GPC5: variants seen among roughly 807,000 people sequenced by gnomAD.
The protein encoded by GPC5 is glypican 5.
Under a neutral mutation model 53.9 loss-of-function variants are expected in GPC5, and 47 were observed. That is an observed-to-expected ratio of 0.87 (90% confidence interval 0.69 to 1.11). The LOEUF (loss-of-function observed/expected upper bound fraction) is 1.11. Among genes scored for constraint, GPC5 ranks in the 50% most tolerant of loss-of-function variants. The pLI is 0.00. For synonymous variants in GPC5, 286 were observed against 263.3 expected, an observed-to-expected ratio of 1.09 and a Z score of -0.84; for missense variants, 748 against 713.1, an observed-to-expected ratio of 1.05 and a Z score of -0.56.
intron 2 of GPC5, among the ~76,000 whole-genome samples, chr13:91,493,856 G>A (rs1179467115): frequency 6.6e-6 from 1 of 151,638 alleles, no homozygotes; most frequent in Non-Finnish European, 1.5e-5. Flanking sequence ...CCTCTTGCCT[G>A]TATCTGTTAT....
At chr13:92,312,801 T>G (rs552012195) in intron 7 of GPC5, among the ~76,000 whole-genome samples, 1 of 152,322 alleles carries the variant, frequency 6.6e-6, no homozygotes, top group South Asian at 2.1e-4. Context: ...TCTCTTGAAT[T>G]ACATTTTTGA....
rs553436476 is a variant in GPC5 at position 92,029,151 on chromosome 13, C to T, written c.1402-115679C>T. Among the ~76,000 whole-genome samples the T allele has an allele frequency of 2.5e-3, 387 of 152,170 alleles. 3 individuals carry two copies. The highest frequency in any genetic ancestry group is 9.1e-3 in the African/African-American group (376 of 41,510). ...CAGTATCACCGTTTAGAAATCATTACACAGGTAGTGGGGTAAAGTGGATAA... is the reference window on the plus strand; with the variant it reads ...CAGTATCACCGTTTAGAAATCATTATACAGGTAGTGGGGTAAAGTGGATAA... On this transcript the variant is annotated intron_variant, in intron 6 of 7. Coordinates refer to ENST00000377067, the MANE Select transcript of GPC5 (RefSeq NM_004466.6).
intron 7 of GPC5, among the ~76,000 whole-genome samples, chr13:92,577,819 G>C (rs914425810): frequency 1.3e-5 from 2 of 152,116 alleles, no homozygotes; most frequent in African/African-American, 4.8e-5. Context: ...CTATGCAAGA[G>C]ATTGGTCTGG....
intron 1 of GPC5, among the ~76,000 whole-genome samples, chr13:91,446,331 T>TC (rs1252221818): frequency 3.9e-5 from 6 of 152,166 alleles, no homozygotes; most frequent in African/African-American, 1.4e-4. Flanking sequence ...TTCAGAAACA[T>TC]CCCCACAATT....
At chr13:92,413,802 G>T (rs543530797) in intron 7 of GPC5, among the ~76,000 whole-genome samples, 1 of 152,298 alleles carries the variant, frequency 6.6e-6, no homozygotes, top group African/African-American at 2.4e-5. Flanking sequence ...GCAAAAGCAG[G>T]ATGAGAAGAG....
intron 7 of GPC5, among the ~76,000 whole-genome samples, chr13:92,717,365 T>C (rs1888367260): frequency 6.6e-6 from 1 of 152,156 alleles, no homozygotes. Context: ...GCCAGACATA[T>C]ACCATGAATA....
chr13:92,582,937 A>G (rs1370739024), intron 7 of GPC5, among the ~76,000 whole-genome samples: 9 of 152,128 alleles, frequency 5.9e-5, no homozygotes, highest in Admixed American at 3.9e-4. Flanking sequence ...TCTGCAAGCA[A>G]TGATGATTTA....
At chr13:91,553,437 A>G (rs575121218) in intron 2 of GPC5, among the ~76,000 whole-genome samples, 2 of 152,174 alleles carry the variant, frequency 1.3e-5, no homozygotes, top group South Asian at 2.1e-4. Context: ...AGCTCAATAA[A>G]TGCCTGTAGA....
rs1224351324 is a variant in GPC5, at chr13:92,867,207, C to T, written c.*768C>T. The T allele has an allele frequency of 6.6e-6, 1 of 152,066 alleles. No homozygotes were observed. Among genetic ancestry groups the T allele is most frequent in the Non-Finnish European group, 1.5e-5 (1 of 67,974 alleles). The allele number at this position is 152,066 out of a possible 1,614,324, so 9.4% of individuals were successfully genotyped here. A position where few individuals can be genotyped will look rare whatever the true frequency, so the allele number is the denominator to read the frequency against. On this transcript the variant is annotated 3_prime_UTR_variant, in exon 8 of 8. Transcript: ENST00000377067. Reference sequence around the variant, plus strand: ...CACATGCTTGCTCTAGGAATATCTCCAATAAAGCTGTTAACTATTTGGTGG... The same window carrying T: ...CACATGCTTGCTCTAGGAATATCTCTAATAAAGCTGTTAACTATTTGGTGG...
rs11838917 is a variant in GPC5, at chr13:92,328,242, T to C, written c.1561+183253T>C. Among the ~76,000 whole-genome samples, 1,469 of 152,246 alleles carry C rather than the reference T, an allele frequency of 9.6e-3. 17 individuals are homozygous for C. Among genetic ancestry groups the C allele is most frequent in the African/African-American group, 0.033 (1,368 of 41,534 alleles). ...GTGGAGGGAGTAAGTGAAAATCTTA[T>C]GTAGTGATTTTCTTGGGTAGGCAAA... On this transcript the variant is annotated intron_variant, in intron 7 of 7. Transcript: ENST00000377067.
At chr13:92,192,914 T>C (rs1044292979) in intron 7 of GPC5, among the ~76,000 whole-genome samples, 1 of 152,198 alleles carries the variant, frequency 6.6e-6, no homozygotes, top group Non-Finnish European at 1.5e-5. Flanking sequence ...CTGTGGCTCA[T>C]GCCTATAATT....
intron 2 of GPC5, among the ~76,000 whole-genome samples, chr13:91,503,179 G>C (rs977955279): frequency 6.6e-6 from 1 of 152,078 alleles, no homozygotes; most frequent in African/African-American, 2.4e-5. Flanking sequence ...CCAGGCATGA[G>C]AAAGTAATAT....
chr13:91,987,746 G>A (rs572156168), intron 6 of GPC5, among the ~76,000 whole-genome samples: 241 of 139,054 alleles, frequency 1.7e-3, no homozygotes, highest in African/African-American at 6.2e-3. Flanking sequence ...ACTATATATA[G>A]TATTTATATT....
chr13:91,759,215 G>C (rs9515966), intron 5 of GPC5, among the ~76,000 whole-genome samples: 51,643 of 151,848 alleles, frequency 0.34, 10,134 homozygotes, highest in East Asian at 0.64. Flanking sequence ...TCATGACTCA[G>C]TCAATTCTTT....
chr13:92,300,986 A>T (rs2043071473), intron 7 of GPC5, among the ~76,000 whole-genome samples: 1 of 152,238 alleles, frequency 6.6e-6, no homozygotes, highest in African/African-American at 2.4e-5. Flanking sequence ...TGTCAATGAA[A>T]TTTCAACAGC....
At chr13:92,301,244 C>T (rs12877979) in intron 7 of GPC5, among the ~76,000 whole-genome samples, 1,537 of 152,228 alleles carry the variant, frequency 0.01, 27 homozygotes, top group Middle Eastern at 0.048. Context: ...ATATAATGGT[C>T]TTCCAGACAG....
chr13:92,539,453 C>T (rs1482127219), intron 7 of GPC5, among the ~76,000 whole-genome samples: 5 of 151,966 alleles, frequency 3.3e-5, no homozygotes, highest in South Asian at 4.2e-4. Flanking sequence ...TGTTTGTTGC[C>T]GCATAAATGT....
intron 6 of GPC5, among the ~76,000 whole-genome samples, chr13:91,950,700 T>C (rs549457199): frequency 7.2e-5 from 11 of 152,350 alleles, no homozygotes; most frequent in Admixed American, 2.6e-4. Context: ...CTGTATACTC[T>C]GCGCTTTCTA....
At chr13:92,386,760 T>C (rs775303173) in intron 7 of GPC5, among the ~76,000 whole-genome samples, 7 of 152,060 alleles carry the variant, frequency 4.6e-5, no homozygotes, top group Non-Finnish European at 1.0e-4. Context: ...AGTTTGTATT[T>C]ATTATTACTA....
Sources: allele counts gnomAD v4.1 joint callset (sites outside exome capture counted in the v4.1 genomes callset), GRCh38; gene constraint gnomAD v4.1.1; transcripts MANE v1.5; gene names NCBI Gene and HGNC (gene_info 2026-07-23, HGNC 2026-07-21).